The following HERPUD1 variants were observed in gnomAD, a reference collection of about 807,000 sequenced individuals.
HERPUD1 encodes homocysteine-responsive endoplasmic reticulum-resident ubiquitin-like domain member 1 protein.
In HERPUD1, 17 loss-of-function variants were observed where a neutral mutation model predicts 45.0. The observed-to-expected ratio is 0.38, with a 90% CI of 0.26 to 0.57. HERPUD1 has a LOEUF of 0.57. HERPUD1 is among the 20% of genes least tolerant of loss of function. The pLI is 0.72. For missense variants in HERPUD1, 420 were observed against 490.5 expected (o/e 0.86, Z 1.36); for synonymous variants, 164 against 177.5 (o/e 0.92, Z 0.61).
intron 6 of HERPUD1, chr16:56,941,802 C>T (rs2055911827): frequency 5.8e-6 from 1 of 172,718 alleles, no homozygotes; most frequent in Non-Finnish European, 1.2e-5. Flanking sequence ...ATAATTATAG[C>T]TTTGTAGGTA....
chr16:56,938,285 C>T (rs115291165), intron 4 of HERPUD1, among the ~76,000 whole-genome samples: 1,656 of 151,940 alleles, frequency 0.011, 38 homozygotes, highest in African/African-American at 0.035. Context: ...TGCATTTGGC[C>T]GGGCGCGGTG....
chr16:56,932,467 C>A, intron 1 of HERPUD1, 76 bp downstream of exon 1: 1 of 1,334,176 alleles, frequency 7.5e-7, no homozygotes, highest in South Asian at 1.5e-5. Context: ...TCCGGCTGCC[C>A]TGTCCTGTGG....
At chr16:56,938,610 A>G (rs1394970115) in intron 4 of HERPUD1, among the ~76,000 whole-genome samples, 1 of 152,000 alleles carries the variant, frequency 6.6e-6, no homozygotes, top group Non-Finnish European at 1.5e-5. Context: ...CCAGCTCTGA[A>G]ATCCAGCCCT....
chr16:56,942,398 G>A (rs769601850), intron 7 of HERPUD1, among the ~76,000 whole-genome samples, 161 bp downstream of exon 7: 13 of 152,276 alleles, frequency 8.5e-5, no homozygotes, highest in Non-Finnish European at 1.6e-4. Context: ...TTTTTAAAAC[G>A]TCGAATGTGC....
rs1240062510 is a variant in HERPUD1 at position 56,943,482 on chromosome 16, A to G, written c.*192A>G. The G allele has an allele frequency of 1.5e-6, 1 of 680,086 alleles. No individual in the cohort carries two copies. Among genetic ancestry groups the G allele is most frequent in the Non-Finnish European group, 2.6e-6 (1 of 378,704 alleles). The allele number at this position is 680,086 out of a possible 1,614,324, so 42.1% of individuals were successfully genotyped here. On this transcript the variant is annotated 3_prime_UTR_variant, in exon 8 of 8. Coordinates refer to ENST00000439977, the MANE Select transcript of HERPUD1 (RefSeq NM_014685.4). The stretch of plus-strand genomic sequence containing the variant: ...ACAAATTGGTGAACAAAAAATGCCC[A>G]AGGCTTCTCATGTCTTTATTCTGAA...
At chr16:56,937,076 A>T (rs1298167951) in intron 4 of HERPUD1, 1 of 262,480 alleles carries the variant, frequency 3.8e-6, no homozygotes, top group African/African-American at 2.3e-5. Context: ...TTATCCTTCC[A>T]TTGTGCTGAC....
chr16:56,943,271 C>T lies in HERPUD1; in HGVS notation c.1157C>T (p.Pro386Leu), dbSNP rs1315735298. The T allele has an allele frequency of 2.5e-6, 4 of 1,613,982 alleles. No individual in the cohort carries two copies. The highest frequency in any genetic ancestry group is 3.4e-6 in the Non-Finnish European group (4 of 1,180,032). ...TTTGCCTCTCTTCTTCCAGAAGGCC[C>T]CCCAGCCATCGCAAACTGATGGTGT... ...TFFASLLPEGPPAIAN is the reference protein window; with the variant it reads ...TFFASLLPEGLPAIAN Residue 386 changes from proline to leucine, a missense_variant, in exon 8 of 8, where the codon CCC (proline) becomes CTC (leucine). Transcript: ENST00000439977.
chr16:56,934,945 C>G (rs1376356898), intron 1 of HERPUD1: 2 of 331,892 alleles, frequency 6.0e-6, no homozygotes, highest in Admixed American at 8.7e-5. Flanking sequence ...CCCCTGACCT[C>G]AGGTGATCTG....
At position 56,944,320 on chromosome 16, in the gene HERPUD1, A is replaced by G. The variant is rs1357306693; in HGVS notation, c.*1030A>G. ...AGTTAAATTCCCCAAATTTAAATTTAGTAAATTTAGTGGTTTCACCTTGGC... is the reference window on the plus strand; with the variant it reads ...AGTTAAATTCCCCAAATTTAAATTTGGTAAATTTAGTGGTTTCACCTTGGC... On this transcript the variant is annotated 3_prime_UTR_variant, in exon 8 of 8. Coordinates refer to ENST00000439977, the MANE Select transcript of HERPUD1 (RefSeq NM_014685.4). 6.6e-6 allele frequency: 1 copy of G among 152,274 alleles called. No individual in the cohort carries two copies. The highest frequency in any genetic ancestry group is 2.4e-5 in the African/African-American group (1 of 41,470). 9.4% of individuals were successfully genotyped at this position (152,274 alleles called of 1,614,324 possible).
intron 7 of HERPUD1, 76 bp downstream of exon 7, chr16:56,942,313 C>T (rs750607297): frequency 1.4e-5 from 13 of 926,590 alleles, no homozygotes; most frequent in Middle Eastern, 2.7e-4. Flanking sequence ...CTTTAGATTG[C>T]CAGCTTGCGG....
Position 56,936,816 on chromosome 16 carries a change from A to T in HERPUD1, c.430A>T (p.Arg144Trp). The T allele has an allele frequency of 6.2e-7, 1 of 1,613,700 alleles. No homozygotes were observed. Among genetic ancestry groups the T allele is most frequent in the Non-Finnish European group, 8.5e-7 (1 of 1,179,696 alleles). The change falls in exon 4 of 8, where the codon AGG (arginine) becomes TGG (tryptophan). Residue 144 changes from arginine (R) to tryptophan (W), a missense_variant and splice_region_variant. Physicochemically the swap from Arg to Trp is moderately radical, Grantham distance 101. Transcript: ENST00000439977. ...LSSPGWENIS[R>W]PEAAQQAFQG... ...TTCCCCTGGATGGGAAAACATCTCA[A>T]GGTGAGTGTTATAATAAAGATCTTG... is the stretch of plus-strand genomic sequence containing the variant.
In HERPUD1 at chr16:56,932,183, C is replaced by T. The variant is rs2144812646; in HGVS notation, c.-62C>T. 3 of 1,577,666 alleles carry T rather than the reference C, an allele frequency of 1.9e-6. No individual in the cohort carries two copies. Among genetic ancestry groups the T allele is most frequent in the East Asian group, 2.3e-5 (1 of 43,740 alleles). ...CTGTCGTTGCAGAGATTGCGGGCGGCTGAGACGCCGCCTGCCTGGCACCTA... is the reference window on the plus strand; with the variant it reads ...CTGTCGTTGCAGAGATTGCGGGCGGTTGAGACGCCGCCTGCCTGGCACCTA... On this transcript the variant is annotated 5_prime_UTR_variant, in exon 1 of 8. Transcript: ENST00000439977.
intron 1 of HERPUD1, chr16:56,933,211 A>C: frequency 2.2e-6 from 1 of 454,478 alleles, no homozygotes; most frequent in South Asian, 1.6e-5. Context: ...TCTTCATCAC[A>C]CAGGAGAGGG....
chr16:56,938,236 C>T (rs1163665547), intron 4 of HERPUD1, among the ~76,000 whole-genome samples: 5 of 152,188 alleles, frequency 3.3e-5, no homozygotes, highest in African/African-American at 7.2e-5. Context: ...TACACCTGCC[C>T]TGTGAAGTTG....
At position 56,942,253 on chromosome 16, in the gene HERPUD1, C is replaced by T. The variant is rs8058509; in HGVS notation, c.1011+16C>T. On this transcript the variant is annotated intron_variant, in intron 7 of 7. Transcript: ENST00000439977. Reference sequence around the variant, plus strand: ...TAACTTACAGGTATGGAGCCTCCCACGAAGCCCAGGCGAGCTTGACGTGAT... The same window carrying T: ...TAACTTACAGGTATGGAGCCTCCCATGAAGCCCAGGCGAGCTTGACGTGAT... 179 of 1,575,986 alleles carry T rather than the reference C, an allele frequency of 1.1e-4. No individual in the cohort carries two copies. The African/African-American group carries it at 2.0e-3, about 18-fold the overall frequency.
chr16:56,939,404 A>G lies in HERPUD1; in HGVS notation c.554+45A>G, dbSNP rs765305825. On this transcript the variant is annotated intron_variant, in intron 5 of 7. Coordinates refer to ENST00000439977, the MANE Select transcript of HERPUD1 (RefSeq NM_014685.4). The stretch of plus-strand genomic sequence containing the variant: ...CTGGGTGTGGCCAGGGCTCCCGGGA[A>G]TTGAAGGGAATTTTATCCATGTTAC... 1.9e-6 allele frequency: 3 copies of G among 1,610,734 alleles called. No homozygotes were observed. The African/African-American group carries it at 4.0e-5, about 22-fold the overall frequency.
chr16:56,933,467 C>G (rs928217171), intron 1 of HERPUD1, among the ~76,000 whole-genome samples: 4 of 152,188 alleles, frequency 2.6e-5, no homozygotes, highest in Admixed American at 6.5e-5. Flanking sequence ...ATGAGAATGA[C>G]TATTGGGTAC....
Position 56,940,031 on chromosome 16 carries a change from GCTC to G in HERPUD1, c.695_697del (p.Pro232del). 1 of 1,614,232 alleles carries G rather than the reference GCTC, an allele frequency of 6.2e-7. No homozygotes were observed. Among genetic ancestry groups the G allele is most frequent in the Non-Finnish European group, 8.5e-7 (1 of 1,180,050 alleles). ...AAACCAGCCTGCCAATCAGAATGCT[GCTC>G]CTCAAGTGGTTGTTAATCCTGGAGC... On this transcript the variant is annotated inframe_deletion, in exon 6 of 8. Transcript: ENST00000439977.
rs376773471 is a variant in HERPUD1 at position 56,936,859 on chromosome 16, G to A, written c.431+42G>A. On this transcript the variant is annotated intron_variant, in intron 4 of 7. Coordinates refer to ENST00000439977, the MANE Select transcript of HERPUD1 (RefSeq NM_014685.4). The stretch of plus-strand genomic sequence containing the variant: ...AGATCTTGGCTTATGCAACATGAAT[G>A]TTCCTCGTTTGCATCAATTTAAGAA... 5.8e-4 allele frequency: 928 copies of A among 1,601,316 alleles called. 11 individuals carry two copies. The South Asian group carries it at 1.0e-2, about 17-fold the overall frequency.
Sources: allele counts gnomAD v4.1 joint callset (sites outside exome capture counted in the v4.1 genomes callset), GRCh38; gene constraint gnomAD v4.1.1; transcripts MANE v1.5; gene names NCBI Gene and HGNC (gene_info 2026-07-23, HGNC 2026-07-21).